Variants in SMYD3 observed in about 807,000 individuals in gnomAD.
The protein encoded by SMYD3 is SET and MYND domain containing 3, also known as histone-lysine N-methyltransferase SMYD3.
In SMYD3, 36 loss-of-function variants were observed where a neutral mutation model predicts 57.7. The observed-to-expected ratio is 0.62, with a 90% CI of 0.48 to 0.82. The LOEUF is 0.82. SMYD3 is among the 40% of genes least tolerant of loss of function. SMYD3 has a pLI of 0.00. For synonymous variants in SMYD3, 211 were observed against 195.0 expected (o/e 1.08, Z -0.68); for missense variants, 515 against 538.8 (o/e 0.96, Z 0.44).
At chr1:246,453,842 G>C (rs922434103) in intron 1 of SMYD3, among the ~76,000 whole-genome samples, 7 of 152,232 alleles carry the variant, frequency 4.6e-5, no homozygotes, top group African/African-American at 1.7e-4. Flanking sequence ...TCATGATACA[G>C]AAACACTTTT....
At chr1:245,960,061 G>A (rs1005899128) in intron 5 of SMYD3, among the ~76,000 whole-genome samples, 1 of 152,196 alleles carries the variant, frequency 6.6e-6, no homozygotes. Context: ...TTACAGGTGT[G>A]AGCCACATGT....
chr1:246,339,335 A>G (rs2065594766), intron 2 of SMYD3, among the ~76,000 whole-genome samples: 2 of 152,168 alleles, frequency 1.3e-5, no homozygotes, highest in African/African-American at 2.4e-5. Flanking sequence ...ACTAAAATAC[A>G]TATTATTTTA....
chr1:246,414,927 G>C (rs925146067), intron 1 of SMYD3, among the ~76,000 whole-genome samples: 1 of 152,020 alleles, frequency 6.6e-6, no homozygotes, highest in Non-Finnish European at 1.5e-5. Context: ...ATGTTGGCCA[G>C]GCCAGTCTCG....
At chr1:246,441,097 C>T (rs537848195) in intron 1 of SMYD3, among the ~76,000 whole-genome samples, 17 of 152,220 alleles carry the variant, frequency 1.1e-4, no homozygotes, top group African/African-American at 3.6e-4. Context: ...CCCTGCCGTT[C>T]GTAAGTACAC....
intron 5 of SMYD3, among the ~76,000 whole-genome samples, chr1:246,247,391 A>G (rs541618269): frequency 6.6e-6 from 1 of 151,904 alleles, no homozygotes; most frequent in South Asian, 2.1e-4. Context: ...CATTCAACAG[A>G]CTACCAGGAC....
chr1:246,037,738 G>A (rs545813997), intron 5 of SMYD3, among the ~76,000 whole-genome samples: 1 of 152,326 alleles, frequency 6.6e-6, no homozygotes, highest in Non-Finnish European at 1.5e-5. Flanking sequence ...CCCATTTGGG[G>A]AGAAGAAGCA....
At chr1:246,330,373 A>G (rs1298094430) in intron 4 of SMYD3, 107 bp downstream of exon 4, 1 of 863,940 alleles carries the variant, frequency 1.2e-6, no homozygotes, top group Non-Finnish European at 1.7e-6. Flanking sequence ...TTAGGTTTGC[A>G]TCACATTATA....
intron 8 of SMYD3, among the ~76,000 whole-genome samples, chr1:245,890,364 A>T (rs943176339): frequency 6.6e-6 from 1 of 152,204 alleles, no homozygotes; most frequent in African/African-American, 2.4e-5. Flanking sequence ...GATATATATA[A>T]GGACTTCAAA....
chr1:245,832,703 G>A (rs12742715), intron 10 of SMYD3, among the ~76,000 whole-genome samples: 18,754 of 152,040 alleles, frequency 0.12, 1,272 homozygotes, highest in South Asian at 0.21. Flanking sequence ...TGGAATCTTA[G>A]AGGGACAAGT....
At chr1:246,054,101 T>C (rs1412827979) in intron 5 of SMYD3, among the ~76,000 whole-genome samples, 1 of 151,978 alleles carries the variant, frequency 6.6e-6, no homozygotes, top group East Asian at 1.9e-4. Flanking sequence ...CAAAATAATA[T>C]AGGCAAAAGA....
At chr1:246,360,426 T>C (rs2065970090) in intron 1 of SMYD3, among the ~76,000 whole-genome samples, 1 of 151,672 alleles carries the variant, frequency 6.6e-6, no homozygotes, top group Non-Finnish European at 1.5e-5. Flanking sequence ...AACACCACTA[T>C]CATTCTTCAC....
intron 5 of SMYD3, among the ~76,000 whole-genome samples, chr1:246,046,072 C>T (rs2059958169): frequency 6.6e-6 from 1 of 152,186 alleles, no homozygotes; most frequent in African/African-American, 2.4e-5. Context: ...TGTGGCAATT[C>T]CTCAGGGATC....
intron 1 of SMYD3, among the ~76,000 whole-genome samples, chr1:246,459,340 T>C (rs2067757574): frequency 6.6e-6 from 1 of 151,362 alleles, no homozygotes; most frequent in Non-Finnish European, 1.5e-5. Flanking sequence ...TCGCGAGATC[T>C]TATTTAAAAG....
intron 5 of SMYD3, among the ~76,000 whole-genome samples, chr1:246,300,892 A>G (rs539992696): frequency 6.6e-6 from 1 of 152,276 alleles, no homozygotes; most frequent in South Asian, 2.1e-4. Flanking sequence ...CAAAGTCTGG[A>G]TTTTATTGCA....
Position 246,480,684 on chromosome 1 carries a change from A to G in SMYD3, c.164+26370T>C, listed in dbSNP as rs191826960. Among the ~76,000 whole-genome samples, 227 of 152,328 alleles carry G rather than the reference A, an allele frequency of 1.5e-3. 2 individuals carry two copies. Among genetic ancestry groups the G allele is most frequent in the East Asian group, 9.6e-4 (5 of 5,184 alleles). On this transcript the variant is annotated intron_variant, in intron 1 of 11. Transcript: ENST00000490107. The stretch of plus-strand genomic sequence containing the variant: ...TTTTACCAGCAATGAGTATCCATAG[A>G]AAACATAGTAATCAATCCCCCATTC...
At chr1:245,969,928 A>G (rs982904794) in intron 5 of SMYD3, among the ~76,000 whole-genome samples, 1 of 152,162 alleles carries the variant, frequency 6.6e-6, no homozygotes, top group Admixed American at 6.5e-5. Flanking sequence ...AAAAATGTCA[A>G]TGTTGACTTT....
intron 5 of SMYD3, among the ~76,000 whole-genome samples, chr1:246,090,522 C>CTTT (rs539563212): frequency 7.0e-6 from 1 of 142,758 alleles, no homozygotes; most frequent in Non-Finnish European, 1.5e-5. Context: ...TTCTCTCTCT[C>CTTT]TTTTTTTTTT....
intron 8 of SMYD3, among the ~76,000 whole-genome samples, chr1:245,898,282 G>T (rs1235807101): frequency 6.6e-6 from 1 of 152,108 alleles, no homozygotes; most frequent in Non-Finnish European, 1.5e-5. Flanking sequence ...TATTGCTGTT[G>T]TATTACATAT....
rs184181973 is a variant in SMYD3, at chr1:246,387,260, T to C, written c.165-32166A>G. Among the ~76,000 whole-genome samples, 376 of 152,330 alleles carry C rather than the reference T, an allele frequency of 2.5e-3. 4 individuals carry two copies. The highest frequency in any genetic ancestry group is 3.9e-3 in the Non-Finnish European group (265 of 68,024). The stretch of plus-strand genomic sequence containing the variant: ...ATCTTGGCTTCACACTTAATATTTA[T>C]AATATTTAGAGGACAACTTAGTTAA... On this transcript the variant is annotated intron_variant, in intron 1 of 11. Transcript: ENST00000490107.
Sources: gnomAD v4.1 joint callset for allele counts (sites outside exome capture counted in the v4.1 genomes callset) on GRCh38, gnomAD v4.1.1 for gene constraint, MANE v1.5 for transcripts, NCBI Gene and HGNC (gene_info 2026-07-23, HGNC 2026-07-21) for gene names.